Variants in NRF1 observed in about 807,000 individuals in gnomAD.
The protein encoded by NRF1 is nuclear respiratory factor 1.
NRF1 carries 5 observed loss-of-function variants against 58.5 expected under a neutral mutation model. That is an observed-to-expected ratio of 0.09 (90% CI 0.04 to 0.18). The LOEUF is 0.18. Ranked by LOEUF, NRF1 falls within the 10% of genes least tolerant of loss-of-function variation. NRF1 has a pLI of 1.00. For synonymous variants in NRF1, 224 were observed against 246.7 expected (o/e 0.91, Z 0.86); for missense variants, 288 against 657.7 (o/e 0.44, Z 6.15).
At chr7:129,612,498 G>T (rs1800558541) in intron 1 of NRF1, among the ~76,000 whole-genome samples, 1 of 152,216 alleles carries the variant, frequency 6.6e-6, no homozygotes, top group African/African-American at 2.4e-5. Flanking sequence ...GGTGGCCGGG[G>T]CGGCAGTTCG....
chr7:129,653,181 C>CT (rs1801576123), intron 1 of NRF1, among the ~76,000 whole-genome samples: 1 of 152,136 alleles, frequency 6.6e-6, no homozygotes, highest in Admixed American at 6.5e-5. Context: ...AGTATTTGTT[C>CT]TTTTTTGTGG....
At chr7:129,685,332 C>T (rs1802418451) in intron 4 of NRF1, among the ~76,000 whole-genome samples, 1 of 152,120 alleles carries the variant, frequency 6.6e-6, no homozygotes, top group Non-Finnish European at 1.5e-5. Context: ...GGGAGGATCA[C>T]TGGAGCTCAG....
Position 129,626,285 on chromosome 7 carries a change from T to C in NRF1, c.-7+14461T>C, listed in dbSNP as rs569041429. On this transcript the variant is annotated intron_variant, in intron 1 of 10. Coordinates refer to ENST00000393232, the MANE Select transcript of NRF1 (RefSeq NM_005011.5). ...TGTCAGAGTCCCTGAGTATCCTGTG[T>C]GGCCTAGAACCCAGCATGAGAGTTG... 7.2e-5 allele frequency among the ~76,000 whole-genome samples: 11 copies of C among 152,334 alleles called. No individual in the cohort carries two copies. In the South Asian group the frequency reaches 1.9e-3, roughly 26 times the overall value.
rs1389723735 is a variant in NRF1 at position 129,705,450 on chromosome 7, CT to C, written c.607-3624del. Reference sequence around the variant, plus strand: ...GCATTACAGGTATGTGCCACCATGCCTGGCTAATTTTTGTATTTTTAGTAAA... The same window carrying C: ...GCATTACAGGTATGTGCCACCATGCCGGCTAATTTTTGTATTTTTAGTAAA... On this transcript the variant is annotated intron_variant, in intron 5 of 10. Coordinates refer to ENST00000393232, the MANE Select transcript of NRF1 (RefSeq NM_005011.5). Among the ~76,000 whole-genome samples the C allele has an allele frequency of 2.0e-5, 3 of 152,168 alleles. No homozygotes were observed. The East Asian group carries it at 5.8e-4, about 29-fold the overall frequency.
intron 2 of NRF1, among the ~76,000 whole-genome samples, chr7:129,663,355 G>A (rs926952353): frequency 2.7e-5 from 4 of 148,712 alleles, no homozygotes; most frequent in South Asian, 2.2e-4. Flanking sequence ...GGGCAGAGGC[G>A]CACCTCACTT....
At chr7:129,652,975 A>C (rs1801571337) in intron 1 of NRF1, among the ~76,000 whole-genome samples, 1 of 152,214 alleles carries the variant, frequency 6.6e-6, no homozygotes, top group African/African-American at 2.4e-5. Flanking sequence ...CATAACAATA[A>C]ATTTACCATC....
intron 2 of NRF1, among the ~76,000 whole-genome samples, chr7:129,661,819 C>G (rs1160524616): frequency 6.6e-6 from 1 of 150,856 alleles, no homozygotes; most frequent in Non-Finnish European, 1.5e-5. Flanking sequence ...TTTTAGGTAT[C>G]TTTTCAGCAG....
chr7:129,730,303 G>A (rs990408689), intron 10 of NRF1, among the ~76,000 whole-genome samples: 1 of 152,064 alleles, frequency 6.6e-6, no homozygotes, highest in Non-Finnish European at 1.5e-5. Flanking sequence ...GGGATTATAG[G>A]CATGAGCCAC....
At chr7:129,695,588 A>G (rs1352046947) in intron 5 of NRF1, among the ~76,000 whole-genome samples, 2 of 150,536 alleles carry the variant, frequency 1.3e-5, no homozygotes, top group Non-Finnish European at 3.0e-5. Context: ...AAAAAAAAAA[A>G]CAAAAAAAAC....
At chr7:129,753,579 T>A (rs952337156) in intron 10 of NRF1, among the ~76,000 whole-genome samples, 1 of 152,236 alleles carries the variant, frequency 6.6e-6, no homozygotes, top group African/African-American at 2.4e-5. Context: ...TATATGTTAG[T>A]TACTGCCTTA....
At chr7:129,636,972 T>A (rs1397620144) in intron 1 of NRF1, among the ~76,000 whole-genome samples, 3 of 152,154 alleles carry the variant, frequency 2.0e-5, no homozygotes, top group Non-Finnish European at 4.4e-5. Context: ...CAGGCCCCAG[T>A]TACTGTGTCT....
At chr7:129,675,327 C>T (rs1379805339) in intron 3 of NRF1, among the ~76,000 whole-genome samples, 2 of 152,218 alleles carry the variant, frequency 1.3e-5, no homozygotes, top group African/African-American at 2.4e-5. Flanking sequence ...TCAAGTTCTT[C>T]CAAACTTCCA....
At chr7:129,698,449 T>C (rs1288730167) in intron 5 of NRF1, among the ~76,000 whole-genome samples, 1 of 152,140 alleles carries the variant, frequency 6.6e-6, no homozygotes, top group African/African-American at 2.4e-5. Context: ...CTGGAACTTA[T>C]TCTATACTTA....
chr7:129,699,574 C>CA (rs1040754124), intron 5 of NRF1, among the ~76,000 whole-genome samples: 2 of 150,966 alleles, frequency 1.3e-5, no homozygotes, highest in African/African-American at 4.9e-5. Flanking sequence ...GTATTATTTA[C>CA]AAAAAAATTA....
intron 1 of NRF1, among the ~76,000 whole-genome samples, chr7:129,622,571 C>CTTTTT (rs71527916): frequency 2.7e-4 from 36 of 132,532 alleles, no homozygotes; most frequent in East Asian, 6.3e-4. Flanking sequence ...CTTTTCTTTT[C>CTTTTT]TTTTTTTTTT....
chr7:129,712,704 G>T (rs1403182920), intron 8 of NRF1, among the ~76,000 whole-genome samples: 3 of 152,228 alleles, frequency 2.0e-5, no homozygotes, highest in African/African-American at 7.2e-5. Context: ...GCTGCAAAGC[G>T]TATGTGCCTC....
chr7:129,726,505 CA>C (rs1319922510), intron 9 of NRF1, among the ~76,000 whole-genome samples: 4 of 152,154 alleles, frequency 2.6e-5, no homozygotes, highest in Admixed American at 2.6e-4. Context: ...TCCTATTCTA[CA>C]GAGCATTTGT....
At chr7:129,737,211 T>C (rs919157735) in intron 10 of NRF1, among the ~76,000 whole-genome samples, 6 of 152,252 alleles carry the variant, frequency 3.9e-5, no homozygotes, top group Middle Eastern at 3.2e-3. Flanking sequence ...CAGAGGTGGA[T>C]GCTGTAAAAA....
intron 5 of NRF1, among the ~76,000 whole-genome samples, chr7:129,694,414 G>C (rs1272402909): frequency 1.3e-5 from 2 of 151,980 alleles, no homozygotes; most frequent in African/African-American, 2.4e-5. Flanking sequence ...GCCCAGGCTG[G>C]AGTGCAATGG....
Sources: allele counts gnomAD v4.1 joint callset (sites outside exome capture counted in the v4.1 genomes callset), GRCh38; gene constraint gnomAD v4.1.1; transcripts MANE v1.5; gene names NCBI Gene and HGNC (gene_info 2026-07-23, HGNC 2026-07-21).